Variants in TIAM1 observed in about 807,000 individuals in gnomAD.
TIAM1 encodes the protein TIAM Rac1 associated GEF 1, also known as rho guanine nucleotide exchange factor TIAM1.
A neutral mutation model predicts 163.5 loss-of-function variants in TIAM1; 65 were observed. That is an observed-to-expected ratio of 0.40 (90% confidence interval 0.33 to 0.49). TIAM1 has a LOEUF of 0.49. TIAM1 is among the 20% of genes least tolerant of loss of function. The pLI is 0.77. For synonymous variants in TIAM1, 833 were observed against 810.1 expected (o/e 1.03, Z -0.48); for missense variants, 1,789 against 2,044.7 (o/e 0.87, Z 2.41).
chr21:31,413,732 T>C (rs1228346196), intron 2 of TIAM1, among the ~76,000 whole-genome samples: 1 of 152,170 alleles, frequency 6.6e-6, no homozygotes, highest in African/African-American at 2.4e-5. Flanking sequence ...ATCACAGATA[T>C]GCTGTTTCTT....
At chr21:31,196,420 T>C (rs2085861060) in intron 12 of TIAM1, among the ~76,000 whole-genome samples, 1 of 151,482 alleles carries the variant, frequency 6.6e-6, no homozygotes, top group Non-Finnish European at 1.5e-5. Context: ...CAAGCAATTC[T>C]CCTGCCTCAG....
At chr21:31,197,668 C>T (rs1262517758) in intron 12 of TIAM1, among the ~76,000 whole-genome samples, 1 of 152,012 alleles carries the variant, frequency 6.6e-6, no homozygotes, top group East Asian at 1.9e-4. Flanking sequence ...CGCGCCCAGC[C>T]GGATATTTCG....
intron 1 of TIAM1, among the ~76,000 whole-genome samples, chr21:31,488,084 G>C (rs922295134): frequency 6.6e-6 from 1 of 152,226 alleles, no homozygotes; most frequent in East Asian, 1.9e-4. Context: ...TCGGCCTCCC[G>C]AAGTGCTGGG....
intron 15 of TIAM1, among the ~76,000 whole-genome samples, chr21:31,180,078 G>C (rs1244019781): frequency 1.3e-5 from 2 of 151,906 alleles, no homozygotes; most frequent in East Asian, 3.9e-4. Flanking sequence ...GCTAATTTTT[G>C]TATTTTTAAC....
intron 16 of TIAM1, among the ~76,000 whole-genome samples, chr21:31,158,042 T>C (rs1000140026): frequency 3.3e-5 from 5 of 152,164 alleles, no homozygotes; most frequent in Non-Finnish European, 7.4e-5. Context: ...ATAAATACTT[T>C]GAGAATTCCA....
In TIAM1 at chr21:31,202,959, T is replaced by A; in HGVS notation, c.2442A>T (p.Glu814Asp). Residue 814 changes from glutamate (E) to aspartate (D), a missense_variant, in exon 12 of 28, where the codon GAA becomes GAT. Physicochemically the swap from Glu to Asp is conservative, Grantham distance 45. Around this residue, in one of 5 missense-constraint regions of TIAM1, gnomAD observed 456 missense variants for 586.6 expected, o/e 0.78. Coordinates refer to ENST00000541036, the MANE Select transcript of TIAM1 (RefSeq NM_001353694.2). ...AHYLRLKFLI[E>D]NKMQLYVPQP... is the part of the protein sequence containing the mutation. ...GTGGAACATAGAGCTGCATTTTGTT[T>A]TCTATTAGAAATTTCAGGCGCAGGT... 1 of 1,614,190 alleles carries A rather than the reference T, an allele frequency of 6.2e-7. No individual in the cohort carries two copies. Among genetic ancestry groups the A allele is most frequent in the Non-Finnish European group, 8.5e-7 (1 of 1,180,046 alleles).
At chr21:31,551,301 G>A (rs939211389) in intron 1 of TIAM1, among the ~76,000 whole-genome samples, 6 of 152,056 alleles carry the variant, frequency 3.9e-5, no homozygotes, top group African/African-American at 1.2e-4. Flanking sequence ...CCAGCTACTT[G>A]GGAGGTTGAG....
At chr21:31,154,603 C>T (rs984358768) in intron 16 of TIAM1, among the ~76,000 whole-genome samples, 177 bp from the exon 17 acceptor site, 1 of 152,178 alleles carries the variant, frequency 6.6e-6, no homozygotes, top group Admixed American at 6.5e-5. Context: ...CTCATAACAA[C>T]CAGGATAACA....
chr21:31,365,650 CA>C (rs1228229054), intron 2 of TIAM1, among the ~76,000 whole-genome samples: 1 of 151,864 alleles, frequency 6.6e-6, no homozygotes, highest in East Asian at 2.0e-4. Flanking sequence ...CTCGGCCTCC[CA>C]AAGTGCGGGA....
At chr21:31,198,418 G>A (rs2085999206) in intron 12 of TIAM1, among the ~76,000 whole-genome samples, 1 of 152,016 alleles carries the variant, frequency 6.6e-6, no homozygotes, top group Admixed American at 6.6e-5. Context: ...ACGTGTCAAG[G>A]GCATGACTGA....
intron 1 of TIAM1, among the ~76,000 whole-genome samples, chr21:31,537,540 C>T (rs751066303): frequency 1.3e-5 from 2 of 151,744 alleles, no homozygotes; most frequent in Non-Finnish European, 2.9e-5. Flanking sequence ...TCGCTCGAGG[C>T]CAGGAGTTCA....
chr21:31,546,074 A>T (rs202165490), intron 1 of TIAM1, among the ~76,000 whole-genome samples: 89 of 131,470 alleles, frequency 6.8e-4, no homozygotes, highest in African/African-American at 1.2e-3. Flanking sequence ...AATTTATTTT[A>T]AAAAAAATTT....
chr21:31,184,268 G>A lies in TIAM1; in HGVS notation c.2663-1623C>T, dbSNP rs533363919. Among the ~76,000 whole-genome samples the A allele has an allele frequency of 2.6e-5, 4 of 152,116 alleles. No homozygotes were observed. In the South Asian group the frequency reaches 8.3e-4, roughly 32 times the overall value. On this transcript the variant is annotated intron_variant, in intron 14 of 27. Transcript: ENST00000541036. The stretch of plus-strand genomic sequence containing the variant: ...TTATAGGTGCGCACCACCATGCCCA[G>A]CTAATTTTTGTATTTTTAGTAGAGA...
rs566589643 is a variant in TIAM1, at chr21:31,458,080, G to A, written c.-369+5903C>T. 2.0e-5 allele frequency among the ~76,000 whole-genome samples: 3 copies of A among 152,156 alleles called. No individual in the cohort carries two copies. The East Asian group carries it at 5.8e-4, about 30-fold the overall frequency. Reference sequence around the variant, plus strand: ...GAAGGCACAGGAAGTCAGACACCTTGTATTACAACCCTCCACACTGTGGGC... The same window carrying A: ...GAAGGCACAGGAAGTCAGACACCTTATATTACAACCCTCCACACTGTGGGC... On this transcript the variant is annotated intron_variant, in intron 2 of 28. Transcript: ENST00000286827.
intron 1 of TIAM1, among the ~76,000 whole-genome samples, chr21:31,476,167 A>G (rs1237952850): frequency 6.6e-6 from 1 of 152,248 alleles, no homozygotes; most frequent in African/African-American, 2.4e-5. Context: ...TTGATTAAAC[A>G]AAATACAAAT....
intron 1 of TIAM1, among the ~76,000 whole-genome samples, chr21:31,471,004 T>C (rs1333384896): frequency 1.3e-5 from 2 of 152,128 alleles, no homozygotes; most frequent in South Asian, 2.1e-4. Flanking sequence ...CAGTGACATT[T>C]GCAAAGCTCA....
intron 13 of TIAM1, among the ~76,000 whole-genome samples, chr21:31,187,702 A>C (rs2146463281): frequency 6.6e-6 from 1 of 152,256 alleles, no homozygotes; most frequent in Admixed American, 6.5e-5. Flanking sequence ...CCAACTTGCT[A>C]ATTAACCCTG....
At chr21:31,272,553 A>G (rs1012625302) in intron 3 of TIAM1, among the ~76,000 whole-genome samples, 1 of 152,156 alleles carries the variant, frequency 6.6e-6, no homozygotes, top group African/African-American at 2.4e-5. Flanking sequence ...TTAGTATTTT[A>G]CTATAATCAT....
chr21:31,293,451 C>A (rs1208341182), intron 2 of TIAM1, among the ~76,000 whole-genome samples: 3 of 152,190 alleles, frequency 2.0e-5, no homozygotes, highest in Non-Finnish European at 2.9e-5. Context: ...CACAACCTAC[C>A]AAGTTGACAG....
Sources: gnomAD v4.1 joint callset for allele counts (sites outside exome capture counted in the v4.1 genomes callset) on GRCh38, gnomAD v4.1.1 for gene constraint, gnomAD v4.1.1 regional missense constraint, MANE v1.5 for transcripts, NCBI Gene and HGNC (gene_info 2026-07-23, HGNC 2026-07-21) for gene names.